ADK: variants seen among roughly 807,000 people sequenced by gnomAD.
ADK encodes N6,N6-dimethyladenosine kinase.
ADK carries 24 observed loss-of-function variants against 44.7 expected under a neutral mutation model. That is an observed-to-expected ratio of 0.54 (90% CI 0.39 to 0.76). The LOEUF is 0.76. Among genes scored for constraint, ADK ranks in the 30% least tolerant of loss-of-function variants. The probability of loss-of-function intolerance (pLI) is 0.00; values close to 1 mark genes in which losing one functional copy is unlikely to be tolerated. For missense variants in ADK, 321 were observed against 425.1 expected (o/e 0.76, Z 2.15); for synonymous variants, 128 against 142.6 (o/e 0.90, Z 0.73).
chr10:74,590,701 G>A (rs1564808226), intron 8 of ADK, among the ~76,000 whole-genome samples: 2 of 152,050 alleles, frequency 1.3e-5, no homozygotes. Flanking sequence ...ATTTCCAAGT[G>A]GTGGGTTTTT....
chr10:74,276,346 C>T (rs778028786), intron 3 of ADK, among the ~76,000 whole-genome samples: 7 of 152,172 alleles, frequency 4.6e-5, no homozygotes, highest in Non-Finnish European at 8.8e-5. Flanking sequence ...CTTTCTACTA[C>T]GTAGCTTCTG....
chr10:74,501,721 A>G (rs935257578), intron 6 of ADK, among the ~76,000 whole-genome samples: 4 of 152,198 alleles, frequency 2.6e-5, no homozygotes, highest in Admixed American at 2.6e-4. Context: ...GTGAACCTCA[A>G]TATCAAGAAA....
rs552371812 is a variant in ADK at position 74,512,854 on chromosome 10, G to A, written c.556-12402G>A. Among the ~76,000 whole-genome samples the A allele has an allele frequency of 6.3e-4, 96 of 151,642 alleles. 2 individuals carry two copies. In the South Asian group the frequency reaches 0.02, roughly 31 times the overall value. On this transcript the variant is annotated intron_variant, in intron 6 of 10. Transcript: ENST00000539909. The stretch of plus-strand genomic sequence containing the variant: ...GTTCTTTGAGGTTTATCATCAAGTT[G>A]TTTACTTGAAATCTTTCTTGTTTTT...
At chr10:74,159,855 C>T (rs186961576) in intron 1 of ADK, among the ~76,000 whole-genome samples, 11 of 152,230 alleles carry the variant, frequency 7.2e-5, no homozygotes, top group East Asian at 3.9e-4. Flanking sequence ...GGCCTCCCAA[C>T]GTGCTGGGAT....
chr10:74,256,674 G>A (rs1226385463), intron 3 of ADK, among the ~76,000 whole-genome samples: 1 of 152,026 alleles, frequency 6.6e-6, no homozygotes. Flanking sequence ...CATCATCTTG[G>A]GTACTGAGAT....
chr10:74,473,567 G>A (rs1353393975), intron 6 of ADK, among the ~76,000 whole-genome samples: 2 of 152,186 alleles, frequency 1.3e-5, no homozygotes, highest in Admixed American at 1.3e-4. Context: ...CAGATAGTTT[G>A]TAGGATATCT....
chr10:74,278,122 G>A (rs1846772115), intron 3 of ADK, among the ~76,000 whole-genome samples: 1 of 152,060 alleles, frequency 6.6e-6, no homozygotes, highest in Non-Finnish European at 1.5e-5. Flanking sequence ...GGGAGGCTGA[G>A]GTGGGTGGTC....
chr10:74,601,681 T>TA (rs1041177029), intron 9 of ADK, among the ~76,000 whole-genome samples: 9 of 152,092 alleles, frequency 5.9e-5, no homozygotes, highest in East Asian at 5.8e-4. Context: ...ATTAAAACTT[T>TA]AAAAAAAGAA....
At chr10:74,406,775 G>C (rs897087001) in intron 6 of ADK, among the ~76,000 whole-genome samples, 3 of 151,444 alleles carry the variant, frequency 2.0e-5, no homozygotes, top group African/African-American at 7.3e-5. Context: ...CCGCCTCCTG[G>C]GTTCAAGTGA....
intron 2 of ADK, among the ~76,000 whole-genome samples, chr10:74,208,372 C>G (rs1296494328): frequency 6.6e-6 from 1 of 152,216 alleles, no homozygotes; most frequent in African/African-American, 2.4e-5. Flanking sequence ...AGTGTCTTTG[C>G]AGCAGCTGCT....
intron 10 of ADK, among the ~76,000 whole-genome samples, chr10:74,690,683 C>T (rs1855961793): frequency 6.6e-6 from 1 of 152,234 alleles, no homozygotes; most frequent in African/African-American, 2.4e-5. Flanking sequence ...CAACACCCAG[C>T]TCATGTCACC....
chr10:74,368,272 C>G (rs1331851944), intron 4 of ADK, among the ~76,000 whole-genome samples: 1 of 151,966 alleles, frequency 6.6e-6, no homozygotes, highest in East Asian at 1.9e-4. Context: ...TGTCACCATG[C>G]CTGGTAATTT....
intron 3 of ADK, among the ~76,000 whole-genome samples, chr10:74,274,749 C>CATATATATATATATATATAT (rs1183534647): frequency 5.7e-5 from 6 of 105,358 alleles, no homozygotes; most frequent in Non-Finnish European, 1.1e-4. Flanking sequence ...TATATATATA[C>CATATATATATATATATATAT]ACACACACAT....
chr10:74,458,805 C>T (rs1846053577), intron 6 of ADK, among the ~76,000 whole-genome samples: 1 of 152,100 alleles, frequency 6.6e-6, no homozygotes, highest in Non-Finnish European at 1.5e-5. Context: ...AATACTATCC[C>T]ATAGACCCAC....
intron 6 of ADK, among the ~76,000 whole-genome samples, chr10:74,458,993 A>T (rs1472423321): frequency 6.6e-6 from 1 of 152,158 alleles, no homozygotes; most frequent in Non-Finnish European, 1.5e-5. Context: ...TGAAAAAAAA[A>T]TTTTGGCCAG....
intron 10 of ADK, among the ~76,000 whole-genome samples, chr10:74,687,023 GATA>G (rs1231993354): frequency 6.6e-6 from 1 of 152,134 alleles, no homozygotes; most frequent in Non-Finnish European, 1.5e-5. Context: ...TAAAAATGAA[GATA>G]ATGAGTACCT....
At chr10:74,579,584 A>G (rs1024732650) in intron 7 of ADK, among the ~76,000 whole-genome samples, 6 of 152,226 alleles carry the variant, frequency 3.9e-5, no homozygotes, top group Non-Finnish European at 8.8e-5. Context: ...CATTCTGCCT[A>G]GATAGCTTCC....
chr10:74,405,872 T>C (rs191982065), intron 6 of ADK, among the ~76,000 whole-genome samples: 2 of 152,266 alleles, frequency 1.3e-5, no homozygotes, highest in East Asian at 1.9e-4. Flanking sequence ...TATTTTTTTT[T>C]CCTCTTAATA....
chr10:74,696,592 G>A (rs906266062), intron 10 of ADK, among the ~76,000 whole-genome samples: 3 of 150,992 alleles, frequency 2.0e-5, no homozygotes, highest in South Asian at 2.1e-4. Context: ...GGATGGTCTC[G>A]ATCTCCTGAC....
Sources: allele counts gnomAD v4.1 joint callset (sites outside exome capture counted in the v4.1 genomes callset), GRCh38; gene constraint gnomAD v4.1.1; transcripts MANE v1.5; gene names NCBI Gene and HGNC (gene_info 2026-07-23, HGNC 2026-07-21).